The following CDHR2 variants were observed in gnomAD, a reference collection of about 807,000 sequenced individuals.
CDHR2 encodes the protein cadherin-related family member 2.
In CDHR2, 104 loss-of-function variants were observed where a neutral mutation model predicts 138.6. That is an observed-to-expected ratio of 0.75 (90% CI 0.64 to 0.88). The LOEUF (loss-of-function observed/expected upper bound fraction) is 0.88, where lower values mean the gene tolerates loss of function less well. Ranked by LOEUF, CDHR2 falls within the 40% of genes least tolerant of loss-of-function variation. The pLI is 0.00. For synonymous variants in CDHR2, 755 were observed against 742.8 expected, an observed-to-expected ratio of 1.02 and a Z score of -0.27; for missense variants, 1,624 against 1,727.6, an observed-to-expected ratio of 0.94 and a Z score of 1.06.
intron 5 of CDHR2, among the ~76,000 whole-genome samples, chr5:176,569,639 C>T (rs925167775): frequency 6.6e-6 from 1 of 152,172 alleles, no homozygotes; most frequent in Admixed American, 6.5e-5. Flanking sequence ...TACCTCTCCA[C>T]CCCAGGGCTC....
rs114527399 is a variant in CDHR2 at position 176,584,967 on chromosome 5, G to A, written c.2686G>A (p.Ala896Thr). Residue 896 changes from alanine (A) to threonine (T), a missense_variant, in exon 19 of 32, where the codon GCC (alanine) becomes ACC (threonine). Around this residue, in one of 3 missense-constraint regions of CDHR2, gnomAD observed 556 missense variants for 565.7 expected, o/e 0.98. Transcript: ENST00000261944. ...ACDLVTLVVR[A>T]CDLATDPGFQ... ...TGACCTGGTCACGCTGGTTGTGCGG[G>A]CCTGTGACCTAGCCACGGACCCCGG... is the stretch of plus-strand genomic sequence containing the variant. The A allele has an allele frequency of 3.6e-4, 563 of 1,562,776 alleles. 3 individuals carry two copies. In the African/African-American group the frequency reaches 7.0e-3, roughly 20 times the overall value.
At chr5:176,570,766 A>T (rs893071252) in intron 5 of CDHR2, among the ~76,000 whole-genome samples, 1 of 152,148 alleles carries the variant, frequency 6.6e-6, no homozygotes, top group African/African-American at 2.4e-5. Flanking sequence ...AGCCTGACCA[A>T]CATGGTAAAA....
At chr5:176,549,798 G>T (rs1390361178) in intron 1 of CDHR2, among the ~76,000 whole-genome samples, 1 of 152,186 alleles carries the variant, frequency 6.6e-6, no homozygotes, top group East Asian at 1.9e-4. Context: ...CAGCTGCTCG[G>T]TTCACATCCC....
chr5:176,588,642 T>G (rs941524281), intron 21 of CDHR2, among the ~76,000 whole-genome samples: 8 of 145,566 alleles, frequency 5.5e-5, no homozygotes, highest in African/African-American at 2.1e-4. Context: ...TGAGACTGAG[T>G]GTGAGTGGGA....
chr5:176,545,167 G>A (rs1486796774), upstream of CDHR2, among the ~76,000 whole-genome samples: 6 of 152,114 alleles, frequency 3.9e-5, no homozygotes, highest in Non-Finnish European at 2.9e-5. Context: ...CCAGGCAGGA[G>A]TGTAGTGGTG....
intron 5 of CDHR2, among the ~76,000 whole-genome samples, chr5:176,570,797 A>C (rs1443190955): frequency 6.6e-6 from 1 of 152,038 alleles, no homozygotes; most frequent in African/African-American, 2.4e-5. Flanking sequence ...ACTAAATACC[A>C]AAAACTAACT....
chr5:176,573,533 C>T (rs1400947836), intron 6 of CDHR2, among the ~76,000 whole-genome samples: 1 of 151,560 alleles, frequency 6.6e-6, no homozygotes, highest in Non-Finnish European at 1.5e-5. Flanking sequence ...TATAATCCCA[C>T]CTACTGGGGA....
chr5:176,590,011 TG>T, intron 24 of CDHR2, 66 bp from the exon 25 acceptor site: 1 of 1,305,388 alleles, frequency 7.7e-7, no homozygotes, highest in Non-Finnish European at 1.1e-6. Flanking sequence ...TTAATCCCAC[TG>T]GCACAGCCCT....
At chr5:176,571,465 C>CAA (rs79182737) in intron 6 of CDHR2, among the ~76,000 whole-genome samples, 163 bp downstream of exon 6, 36,848 of 151,338 alleles carry the variant, frequency 0.24, 4,755 homozygotes, top group East Asian at 0.47. Flanking sequence ...ACCCCACAAA[C>CAA]TGGTTACAGC....
chr5:176,568,091 A>G, intron 3 of CDHR2, among the ~76,000 whole-genome samples: 1 of 152,240 alleles, frequency 6.6e-6, no homozygotes, highest in East Asian at 1.9e-4. Flanking sequence ...TATCGGGGCC[A>G]GTGGAGGTGT....
At chr5:176,592,385 T>G (rs1164699600) in intron 30 of CDHR2, among the ~76,000 whole-genome samples, 1 of 142,632 alleles carries the variant, frequency 7.0e-6, no homozygotes, top group Non-Finnish European at 1.5e-5. Flanking sequence ...GTGATGGTTA[T>G]GATGATGATG....
intron 17 of CDHR2, among the ~76,000 whole-genome samples, chr5:176,582,789 G>T (rs778221174): frequency 1.3e-5 from 2 of 152,144 alleles, no homozygotes; most frequent in Non-Finnish European, 2.9e-5. Flanking sequence ...CTCAAAAAAA[G>T]AAACTGAGGC....
intron 1 of CDHR2, among the ~76,000 whole-genome samples, chr5:176,555,440 A>C (rs1236104574): frequency 6.6e-6 from 1 of 152,210 alleles, no homozygotes; most frequent in African/African-American, 2.4e-5. Flanking sequence ...TCATCTGCAA[A>C]ATGAGTTGCT....
intron 30 of CDHR2, among the ~76,000 whole-genome samples, chr5:176,592,402 GTGGTGT>G (rs1355759222): frequency 1.4e-5 from 2 of 147,602 alleles, no homozygotes; most frequent in Non-Finnish European, 3.0e-5. Flanking sequence ...GATGGTGGTG[GTGGTGT>G]TGGTGTTGAG....
chr5:176,589,992 A>G (rs1024907320), intron 24 of CDHR2, 86 bp from the exon 25 acceptor site: 6 of 1,089,382 alleles, frequency 5.5e-6, no homozygotes, highest in Non-Finnish European at 8.5e-6. Flanking sequence ...TTTCTCACTC[A>G]TACAATTCTT....
chr5:176,584,491 G>T lies in CDHR2; in HGVS notation c.2210G>T (p.Ser737Ile). 2.5e-6 allele frequency: 4 copies of T among 1,613,352 alleles called. No individual in the cohort carries two copies. In the South Asian group the frequency reaches 3.3e-5, roughly 13 times the overall value. The change falls in exon 19 of 32, where the codon AGT becomes ATT. Residue 737 changes from serine to isoleucine, a missense_variant. By Grantham distance (142) the Ser-to-Ile change is moderately radical (BLOSUM62 -2). Transcript: ENST00000261944. The stretch of plus-strand genomic sequence containing the variant: ...CGCATCAGCTTCAGCCTGTCGGGGA[G>T]TGGTGCCAACTACTTCATGATCCGA... ...NNRISFSLSG[S>I]GANYFMIRGL...
chr5:176,584,831 C>T lies in CDHR2; in HGVS notation c.2550C>T (p.Leu850=). ...AQLEIQLVNI[L]CTKAGVDVGS... is the part of the protein sequence containing the mutation. ...TGGAGATACAGCTTGTGAACATTCT[C>T]TGCACCAAGGCCGGGGTCGATGTGG... The change falls in exon 19 of 32, where the codon CTC becomes CTT. Residue 850 remains leucine (L), a synonymous_variant. Transcript: ENST00000261944. 1 of 1,614,226 alleles carries T rather than the reference C, an allele frequency of 6.2e-7. No homozygotes were observed. Among genetic ancestry groups the T allele is most frequent in the Non-Finnish European group, 8.5e-7 (1 of 1,180,036 alleles).
rs759618624 is a variant in CDHR2 at position 176,590,245 on chromosome 5, C to T, written c.3276-8C>T. ...GGCTCCTGACTCTTCAACTCTGTCC[C>T]GCTCCAGGGCCCGACCTCACTCCTA... On this transcript the variant is annotated splice_polypyrimidine_tract_variant and splice_region_variant and intron_variant, in intron 25 of 31. Transcript: ENST00000261944. 24 of 1,613,978 alleles carry T rather than the reference C, an allele frequency of 1.5e-5. No homozygotes were observed. The highest frequency in any genetic ancestry group is 3.3e-5 in the Admixed American group (2 of 60,006).
At chr5:176,574,042 A>C (rs771208836) in intron 6 of CDHR2, 41 bp from the exon 7 acceptor site, 4 of 1,458,866 alleles carry the variant, frequency 2.7e-6, no homozygotes, top group Non-Finnish European at 3.8e-6. Context: ...GGAGAGGAGG[A>C]GCTGGATTTG....
Sources: gnomAD v4.1 joint callset for allele counts (sites outside exome capture counted in the v4.1 genomes callset) on GRCh38, gnomAD v4.1.1 for gene constraint, gnomAD v4.1.1 regional missense constraint, MANE v1.5 for transcripts, NCBI Gene and HGNC (gene_info 2026-07-23, HGNC 2026-07-21) for gene names.